DYM: variants seen among roughly 807,000 people sequenced by gnomAD.
DYM encodes the protein dyggve-Melchior-Clausen syndrome protein.
In DYM, 78 loss-of-function variants were observed where a neutral mutation model predicts 93.1. The observed-to-expected ratio is 0.84, with a 90% CI of 0.70 to 1.01. The LOEUF is 1.01. Ranked by LOEUF, DYM falls within the 50% of genes least tolerant of loss-of-function variation. The pLI is 0.00. For synonymous variants in DYM, 321 were observed against 319.7 expected (o/e 1.00, Z -0.04); for missense variants, 789 against 845.0 (o/e 0.93, Z 0.82).
chr18:49,441,810 C>T (rs887878317), intron 1 of DYM, among the ~76,000 whole-genome samples: 21 of 152,106 alleles, frequency 1.4e-4, no homozygotes, highest in Admixed American at 6.5e-4. Context: ...CTGGGGAAGA[C>T]GGGGCAAGGT....
chr18:49,441,108 A>ATATATATTATATATAT (rs1221239050), intron 1 of DYM, among the ~76,000 whole-genome samples: 1 of 7,202 alleles, frequency 1.4e-4, no homozygotes, highest in African/African-American at 3.1e-4. Flanking sequence ...AATATATATT[A>ATATATATTATATATAT]ATATAAATAT....
intron 13 of DYM, among the ~76,000 whole-genome samples, chr18:49,233,292 G>A (rs528127285): frequency 4.4e-4 from 66 of 151,276 alleles, no homozygotes; most frequent in African/African-American, 1.6e-3. Flanking sequence ...CCAGGAGGGA[G>A]AGGCTTCAGT....
chr18:49,194,617 C>T (rs1315504491), intron 14 of DYM, among the ~76,000 whole-genome samples: 1 of 151,986 alleles, frequency 6.6e-6, no homozygotes, highest in Non-Finnish European at 1.5e-5. Flanking sequence ...TTGAATGATA[C>T]TACAATTTGG....
intron 7 of DYM, 25 bp downstream of exon 7, chr18:49,333,703 A>G (rs745567631): frequency 6.2e-7 from 1 of 1,611,558 alleles, no homozygotes; most frequent in Non-Finnish European, 8.5e-7. Context: ...TGAAAAAACT[A>G]GACATACTTA....
intron 15 of DYM, among the ~76,000 whole-genome samples, chr18:49,144,889 G>A (rs1459312785): frequency 6.6e-6 from 1 of 151,562 alleles, no homozygotes; most frequent in Non-Finnish European, 1.5e-5. Flanking sequence ...TTGAGGGCAC[G>A]AGTTTCAGAC....
chr18:49,389,615 A>G (rs1164686345), intron 3 of DYM, among the ~76,000 whole-genome samples: 3 of 151,960 alleles, frequency 2.0e-5, no homozygotes, highest in East Asian at 1.9e-4. Flanking sequence ...TCCTACCTCA[A>G]TCTCGCAAGC....
intron 11 of DYM, among the ~76,000 whole-genome samples, chr18:49,259,455 C>T (rs914981956): frequency 2.6e-5 from 4 of 152,144 alleles, no homozygotes; most frequent in Non-Finnish European, 5.9e-5. Flanking sequence ...ACAGATAACC[C>T]AGTTTCTTCA....
chr18:49,110,680 TA>T (rs1262328275), intron 16 of DYM, among the ~76,000 whole-genome samples: 1 of 152,214 alleles, frequency 6.6e-6, no homozygotes, highest in South Asian at 2.1e-4. Flanking sequence ...TAATGTCTTT[TA>T]AAAAAATGGA....
chr18:49,280,885 G>C (rs2094955383), intron 10 of DYM, among the ~76,000 whole-genome samples: 1 of 152,290 alleles, frequency 6.6e-6, no homozygotes, highest in African/African-American at 2.4e-5. Flanking sequence ...TCAGGACATA[G>C]GCATAGGCAA....
At chr18:49,318,818 T>TTA (rs2062223086) in intron 8 of DYM, among the ~76,000 whole-genome samples, 1 of 132,300 alleles carries the variant, frequency 7.6e-6, no homozygotes, top group Non-Finnish European at 1.6e-5. Flanking sequence ...TTTTTTTTTT[T>TTA]GAGACAGAGT....
intron 8 of DYM, among the ~76,000 whole-genome samples, chr18:49,328,810 T>C (rs536086124): frequency 6.6e-6 from 1 of 152,208 alleles, no homozygotes; most frequent in South Asian, 2.1e-4. Flanking sequence ...TGTGGAGAAA[T>C]AGGAACACTT....
intron 17 of DYM, among the ~76,000 whole-genome samples, chr18:49,069,143 G>A (rs1478178841): frequency 6.6e-6 from 1 of 152,160 alleles, no homozygotes; most frequent in Non-Finnish European, 1.5e-5. Flanking sequence ...AGTTAAATTA[G>A]ACAACTTAGT....
At chr18:49,318,979 G>A (rs1489260865) in intron 8 of DYM, among the ~76,000 whole-genome samples, 1 of 149,210 alleles carries the variant, frequency 6.7e-6, no homozygotes, top group Admixed American at 6.7e-5. Flanking sequence ...TTTTTTTTTT[G>A]TATTTGTAGT....
At chr18:49,321,310 T>G (rs1319875932) in intron 8 of DYM, 4 of 398,086 alleles carry the variant, frequency 1.0e-5, no homozygotes, top group East Asian at 7.1e-5. Flanking sequence ...TTCCTCCTTG[T>G]AAATACAAAC....
At chr18:49,061,139 G>A (rs1199136612) in intron 17 of DYM, among the ~76,000 whole-genome samples, 1 of 151,620 alleles carries the variant, frequency 6.6e-6, no homozygotes, top group African/African-American at 2.4e-5. Context: ...GATAAAACAT[G>A]TACAAAAATA....
rs970824139 is a variant in DYM at position 49,333,834 on chromosome 18, A to G, written c.514T>C (p.Ser172Pro). 1.0e-4 allele frequency: 161 copies of G among 1,611,076 alleles called. 1 individual carries two copies. Among genetic ancestry groups the G allele is most frequent in the Non-Finnish European group, 1.3e-4 (159 of 1,177,788 alleles). Residue 172 changes from serine to proline, a missense_variant, in exon 7 of 18, where the codon TCA becomes CCA. This residue lies in a region of DYM where 450 missense variants were observed against 436.2 expected (regional missense o/e 1.03). Coordinates refer to ENST00000675505, the MANE Select transcript of DYM (RefSeq NM_001353214.3). ...IPLLDITYEI[S>P]VEAISTMVVF... ...ACCATTGTTGATATAGCTTCTACTG[A>G]TATTTCATATGTAATATCTCTAAAA...
At chr18:49,384,322 CAAAAAAAAAA>C in intron 3 of DYM, among the ~76,000 whole-genome samples, 2 of 65,842 alleles carry the variant, frequency 3.0e-5, no homozygotes, top group South Asian at 1.1e-3. Flanking sequence ...ACCATGTCTC[CAAAAAAAAAA>C]AAAAAAAAAA....
chr18:49,331,570 A>T (rs570765110), intron 8 of DYM, among the ~76,000 whole-genome samples: 9 of 152,318 alleles, frequency 5.9e-5, no homozygotes, highest in Admixed American at 3.9e-4. Context: ...TCAAATGCTT[A>T]ATTTTATTTT....
chr18:49,387,401 C>T (rs558852845), intron 3 of DYM, among the ~76,000 whole-genome samples: 7 of 152,144 alleles, frequency 4.6e-5, no homozygotes, highest in South Asian at 2.1e-4. Context: ...CTCAGCCTCC[C>T]GAGTAGCTGA....
Sources: allele counts gnomAD v4.1 joint callset (sites outside exome capture counted in the v4.1 genomes callset), GRCh38; gene constraint gnomAD v4.1.1; regional missense constraint gnomAD v4.1.1; transcripts MANE v1.5; gene names NCBI Gene and HGNC (gene_info 2026-07-23, HGNC 2026-07-21).